Variants in CHAC2 observed in about 807,000 individuals in gnomAD.
The protein encoded by CHAC2 is glutathione-specific gamma-glutamylcyclotransferase 2.
In CHAC2, 20 loss-of-function variants were observed where a neutral mutation model predicts 16.9. The ratio of observed to expected loss-of-function variants is 1.18; its 90% CI spans 0.83 to 1.72. CHAC2 has a LOEUF of 1.72. CHAC2 is among the 40% of genes most tolerant of loss of function. The pLI is 0.00. For missense variants in CHAC2, 269 were observed against 222.2 expected, an observed-to-expected ratio of 1.21 and a Z score of -1.34; for synonymous variants, 91 against 77.3, an observed-to-expected ratio of 1.18 and a Z score of -0.93.
intron 1 of CHAC2, among the ~76,000 whole-genome samples, chr2:53,770,857 A>G (rs1673852894): frequency 6.6e-6 from 1 of 152,194 alleles, no homozygotes; most frequent in African/African-American, 2.4e-5. Context: ...AGGGCAAAGT[A>G]AAGTTCATTT....
chr2:53,768,006 C>T lies in CHAC2; in HGVS notation c.120C>T (p.Arg40=). The change falls in exon 1 of 3, where the codon CGC becomes CGT. Residue 40 remains arginine, a synonymous_variant. Transcript: ENST00000295304. ...RRFWQGSTDH[R]GVPGKPGRVV... is the part of the protein sequence containing the mutation. The stretch of plus-strand genomic sequence containing the variant: ...TCTGGCAGGGCAGCACGGACCACCG[C>T]GGGGTCCCCGGCAAGGTGAGGCGCC... The T allele has an allele frequency of 6.2e-7, 1 of 1,613,624 alleles. No individual in the cohort carries two copies. The highest frequency in any genetic ancestry group is 8.5e-7 in the Non-Finnish European group (1 of 1,179,954).
rs1050257292 is a variant in CHAC2, at chr2:53,774,705, A to G, written c.*180A>G. On this transcript the variant is annotated 3_prime_UTR_variant, in exon 3 of 3. Coordinates refer to ENST00000295304, the MANE Select transcript of CHAC2 (RefSeq NM_001008708.4). ...CAGTGAAAGAAAAATTCAAATTTTAATAACATAAAGATTTCCTAACTTTAT... is the reference window on the plus strand; with the variant it reads ...CAGTGAAAGAAAAATTCAAATTTTAGTAACATAAAGATTTCCTAACTTTAT... 6.6e-5 allele frequency: 33 copies of G among 502,734 alleles called. No individual in the cohort carries two copies. Among genetic ancestry groups the G allele is most frequent in the African/African-American group, 5.9e-4 (30 of 50,610 alleles). 31.1% of individuals were successfully genotyped at this position (502,734 alleles called of 1,614,324 possible).
rs1213161189 is a variant in CHAC2 at position 53,774,162 on chromosome 2, T to C, written c.192T>C (p.Ala64=). The change falls in exon 3 of 3, where the codon GCT becomes GCC. Residue 64 remains alanine (A), a synonymous_variant. Transcript: ENST00000295304. The stretch of plus-strand genomic sequence containing the variant: ...AACAGGGATGTGTATGGGGTGTTGC[T>C]TACAGATTGCCAGTAGGAAAGGAAG... ...EDPAGCVWGV[A]YRLPVGKEEE... 1 of 1,610,226 alleles carries C rather than the reference T, an allele frequency of 6.2e-7. No individual in the cohort carries two copies.
chr2:53,769,490 G>A (rs1673740478), intron 1 of CHAC2, among the ~76,000 whole-genome samples: 1 of 152,200 alleles, frequency 6.6e-6, no homozygotes, highest in African/African-American at 2.4e-5. Context: ...TATGTATGCT[G>A]TCAGAATAGA....
Position 53,774,176 on chromosome 2 carries a change from T to C in CHAC2, c.206T>C (p.Val69Ala). The part of the protein sequence containing the change: ...CVWGVAYRLP[V>A]GKEEEVKAYL... Reference sequence around the variant, plus strand: ...TGGGGTGTTGCTTACAGATTGCCAGTAGGAAAGGAAGAAGAAGTAAAAGCA... The same window carrying C: ...TGGGGTGTTGCTTACAGATTGCCAGCAGGAAAGGAAGAAGAAGTAAAAGCA... The change falls in exon 3 of 3, where the codon GTA becomes GCA. Residue 69 changes from valine (V) to alanine (A), a missense_variant. Val to Ala is a moderately conservative substitution (Grantham distance 64). Coordinates refer to ENST00000295304, the MANE Select transcript of CHAC2 (RefSeq NM_001008708.4). 1.9e-6 allele frequency: 3 copies of C among 1,612,018 alleles called. No homozygotes were observed. Among genetic ancestry groups the C allele is most frequent in the South Asian group, 1.1e-5 (1 of 90,728 alleles).
chr2:53,773,805 C>T (rs949615503), intron 2 of CHAC2, among the ~76,000 whole-genome samples: 10 of 151,886 alleles, frequency 6.6e-5, no homozygotes. Context: ...GAGGCCGAGG[C>T]AGGTGGATCA....
Position 53,771,980 on chromosome 2 carries a change from T to C in CHAC2, c.171+38T>C, listed in dbSNP as rs748640963. 39 of 1,130,968 alleles carry C rather than the reference T, an allele frequency of 3.4e-5. No homozygotes were observed. In the East Asian group the frequency reaches 9.4e-4, roughly 27 times the overall value. The allele number at this position is 1,130,968 out of a possible 1,614,324, so 70.1% of individuals were successfully genotyped here. A position where few individuals can be genotyped will look rare whatever the true frequency, so the allele number is the denominator to read the frequency against. On this transcript the variant is annotated intron_variant, in intron 2 of 2. Coordinates refer to ENST00000295304, the MANE Select transcript of CHAC2 (RefSeq NM_001008708.4). ...TATTCTTTTTTGTATAATTTTAATT[T>C]TATAAAATGTTGCGATGTTTCTGTT...
At chr2:53,769,167 G>A (rs555307385) in intron 1 of CHAC2, among the ~76,000 whole-genome samples, 1 of 152,194 alleles carries the variant, frequency 6.6e-6, no homozygotes, top group African/African-American at 2.4e-5. Context: ...GAATGTTCTA[G>A]AACAATATTC....
At chr2:53,768,079 C>T (rs1056655438) in intron 1 of CHAC2, 58 bp downstream of exon 1, 1 of 1,586,546 alleles carries the variant, frequency 6.3e-7, no homozygotes, top group African/African-American at 1.3e-5. Flanking sequence ...TCCCCAACTC[C>T]ACACACAGCA....
At chr2:53,768,047 C>T in intron 1 of CHAC2, 26 bp downstream of exon 1, 1 of 1,610,354 alleles carries the variant, frequency 6.2e-7, no homozygotes, top group Non-Finnish European at 8.5e-7. Flanking sequence ...GCTCCCCACA[C>T]TTACTGCCCC....
At chr2:53,772,823 C>T (rs1445883697) in intron 2 of CHAC2, among the ~76,000 whole-genome samples, 1 of 152,036 alleles carries the variant, frequency 6.6e-6, no homozygotes, top group Non-Finnish European at 1.5e-5. Context: ...TAACATTAAG[C>T]CTAGTATCAA....
intron 2 of CHAC2, among the ~76,000 whole-genome samples, chr2:53,772,544 C>G (rs1285450713): frequency 1.3e-5 from 2 of 151,576 alleles, no homozygotes; most frequent in Non-Finnish European, 2.9e-5. Context: ...ACGGAAATAC[C>G]TGCCCCCGAC....
chr2:53,769,408 T>G (rs1178127445), intron 1 of CHAC2, among the ~76,000 whole-genome samples: 1 of 152,262 alleles, frequency 6.6e-6, no homozygotes, highest in Non-Finnish European at 1.5e-5. Context: ...TAAATATTTA[T>G]GTATGTGGCT....
At chr2:53,772,523 C>T (rs1444078275) in intron 2 of CHAC2, among the ~76,000 whole-genome samples, 2 of 151,846 alleles carry the variant, frequency 1.3e-5, no homozygotes, top group Non-Finnish European at 2.9e-5. Flanking sequence ...TTGTGGTCCC[C>T]TTTGACATTA....
At chr2:53,768,071 C>T in intron 1 of CHAC2, 50 bp downstream of exon 1, 1 of 1,599,500 alleles carries the variant, frequency 6.3e-7, no homozygotes. Flanking sequence ...ACCCCTGCTC[C>T]CCAACTCCAC....
chr2:53,772,557 C>A (rs1674018989), intron 2 of CHAC2, among the ~76,000 whole-genome samples: 1 of 143,184 alleles, frequency 7.0e-6, no homozygotes. Context: ...CCCCCGACAG[C>A]CAGACTACCA....
At position 53,768,000 on chromosome 2, in the gene CHAC2, C is replaced by A; in HGVS notation, c.114C>A (p.Asp38Glu). Residue 38 changes from aspartate to glutamate, a missense_variant, in exon 1 of 3, where the codon GAC becomes GAA. By Grantham distance (45) the Asp-to-Glu change is conservative. Coordinates refer to ENST00000295304, the MANE Select transcript of CHAC2 (RefSeq NM_001008708.4). ...YSRRFWQGST[D>E]HRGVPGKPGR... ...GGCGCTTCTGGCAGGGCAGCACGGA[C>A]CACCGCGGGGTCCCCGGCAAGGTGA... 1 of 1,611,374 alleles carries A rather than the reference C, an allele frequency of 6.2e-7. No individual in the cohort carries two copies. The highest frequency in any genetic ancestry group is 8.5e-7 in the Non-Finnish European group (1 of 1,177,692).
rs755017359 is a variant in CHAC2, at chr2:53,774,148, G to T, written c.178G>T (p.Val60Leu). Reference protein sequence around the residue: ...VTLVEDPAGCVWGVAYRLPVG... With the variant: ...VTLVEDPAGCLWGVAYRLPVG... ...TCTTTTCATTTTTCAACAGGGATGT[G>T]TATGGGGTGTTGCTTACAGATTGCC... The change falls in exon 3 of 3, where the codon GTA becomes TTA. Residue 60 changes from valine to leucine, a missense_variant. Coordinates refer to ENST00000295304, the MANE Select transcript of CHAC2 (RefSeq NM_001008708.4). 6.2e-7 allele frequency: 1 copy of T among 1,603,610 alleles called. No individual in the cohort carries two copies. Among genetic ancestry groups the T allele is most frequent in the Non-Finnish European group, 8.5e-7 (1 of 1,175,936 alleles).
At chr2:53,772,331 T>C (rs1231712372) in intron 2 of CHAC2, among the ~76,000 whole-genome samples, 3 of 152,064 alleles carry the variant, frequency 2.0e-5, no homozygotes, top group East Asian at 1.9e-4. Flanking sequence ...CCCGCCACCA[T>C]GTCTGGCTAA....
Sources: allele counts gnomAD v4.1 joint callset (sites outside exome capture counted in the v4.1 genomes callset), GRCh38; gene constraint gnomAD v4.1.1; transcripts MANE v1.5; gene names NCBI Gene and HGNC (gene_info 2026-07-23, HGNC 2026-07-21).